NCAM1: variants seen among roughly 807,000 people sequenced by gnomAD.
NCAM1 encodes the protein antigen recognized by monoclonal antibody 5.1H11.
NCAM1 carries 14 observed loss-of-function variants against 109.8 expected under a neutral mutation model. That is an observed-to-expected ratio of 0.13 (90% CI 0.08 to 0.20). The LOEUF (loss-of-function observed/expected upper bound fraction) is 0.20. NCAM1 is among the 10% of genes least tolerant of loss of function. The pLI is 1.00. For missense variants in NCAM1, 774 were observed against 1,109.9 expected, an observed-to-expected ratio of 0.70 and a Z score of 4.30; for synonymous variants, 418 against 442.9, an observed-to-expected ratio of 0.94 and a Z score of 0.70.
chr11:113,003,341 G>A (rs1555072739), intron 1 of NCAM1, among the ~76,000 whole-genome samples: 1 of 152,218 alleles, frequency 6.6e-6, no homozygotes, highest in African/African-American at 2.4e-5. Context: ...TGAATGAAAT[G>A]TCCCAAATAA....
At chr11:113,271,666 C>T (rs1946277765) in intron 18 of NCAM1, 94 bp from the exon 19 acceptor site, 3 of 861,154 alleles carry the variant, frequency 3.5e-6, no homozygotes, top group Non-Finnish European at 5.3e-6. Context: ...TGGATGCCCA[C>T]CGTGCCAGCC....
chr11:113,034,055 T>G (rs1489298957), intron 1 of NCAM1, among the ~76,000 whole-genome samples: 3 of 152,234 alleles, frequency 2.0e-5, no homozygotes, highest in African/African-American at 7.2e-5. Flanking sequence ...CATGCTAATT[T>G]ATATGATTGA....
chr11:112,982,536 G>T (rs943053160), intron 1 of NCAM1, among the ~76,000 whole-genome samples: 7 of 151,810 alleles, frequency 4.6e-5, no homozygotes, highest in Admixed American at 2.0e-4. Context: ...GTAGTCAGGG[G>T]GTAGGAGGAG....
At chr11:113,124,081 C>A (rs1555096595) in intron 1 of NCAM1, among the ~76,000 whole-genome samples, 1 of 152,188 alleles carries the variant, frequency 6.6e-6, no homozygotes, top group Non-Finnish European at 1.5e-5. Flanking sequence ...CTTAGATAGT[C>A]ACCTTTCTCT....
intron 7 of NCAM1, among the ~76,000 whole-genome samples, chr11:113,211,783 G>A (rs1329603638): frequency 1.3e-5 from 2 of 152,158 alleles, no homozygotes; most frequent in Admixed American, 6.5e-5. Context: ...CAGGGGCCTC[G>A]GGGCTCTTCT....
intron 1 of NCAM1, among the ~76,000 whole-genome samples, chr11:113,110,180 G>A (rs528246850): frequency 2.0e-5 from 3 of 151,584 alleles, no homozygotes; most frequent in Admixed American, 6.6e-5. Context: ...TTATGAACTT[G>A]TCTCAAGGAT....
intron 1 of NCAM1, among the ~76,000 whole-genome samples, chr11:113,126,510 T>TC (rs1331137928): frequency 4.6e-5 from 7 of 152,316 alleles, no homozygotes; most frequent in Admixed American, 2.6e-4. Flanking sequence ...AGCCACAGTT[T>TC]CCGATGCTTA....
At chr11:113,082,915 G>A (rs1048859080) in intron 1 of NCAM1, among the ~76,000 whole-genome samples, 7 of 152,298 alleles carry the variant, frequency 4.6e-5, no homozygotes, top group African/African-American at 1.7e-4. Flanking sequence ...TGTGAGGAGG[G>A]CAGTTTGCTG....
intron 1 of NCAM1, among the ~76,000 whole-genome samples, chr11:112,986,995 T>C (rs1951323382): frequency 6.6e-6 from 1 of 152,162 alleles, no homozygotes; most frequent in Admixed American, 6.6e-5. Flanking sequence ...GGTTGTTTAC[T>C]TCAAACCATT....
intron 8 of NCAM1, among the ~76,000 whole-genome samples, chr11:113,219,232 T>C (rs1944619012): frequency 6.6e-6 from 1 of 152,214 alleles, no homozygotes; most frequent in African/African-American, 2.4e-5. Flanking sequence ...GAGAGAACTT[T>C]TGAAGTTCTG....
At chr11:113,012,100 C>A (rs919037918) in intron 1 of NCAM1, among the ~76,000 whole-genome samples, 2 of 151,910 alleles carry the variant, frequency 1.3e-5, no homozygotes. Flanking sequence ...CTCACTGCAA[C>A]CTCCATCTCC....
At chr11:113,203,618 C>T (rs1245076578) in intron 2 of NCAM1, among the ~76,000 whole-genome samples, 1 of 152,252 alleles carries the variant, frequency 6.6e-6, no homozygotes, top group Non-Finnish European at 1.5e-5. Flanking sequence ...CAGTCTGTTC[C>T]TCCTCATTGC....
intron 16 of NCAM1, among the ~76,000 whole-genome samples, chr11:113,259,717 T>C (rs1477704193): frequency 6.7e-6 from 1 of 150,234 alleles, no homozygotes; most frequent in Non-Finnish European, 1.5e-5. Context: ...TTTTTTTTTT[T>C]TTTGGAGACA....
At chr11:112,981,114 C>T (rs1449946396) in intron 1 of NCAM1, among the ~76,000 whole-genome samples, 1 of 151,822 alleles carries the variant, frequency 6.6e-6, no homozygotes, top group African/African-American at 2.4e-5. Context: ...CACATTACTA[C>T]AGTAGTATCT....
At chr11:112,970,179 T>A (rs1030817503) in intron 1 of NCAM1, among the ~76,000 whole-genome samples, 20 of 152,050 alleles carry the variant, frequency 1.3e-4, no homozygotes, top group African/African-American at 4.3e-4. Flanking sequence ...CTGCTGGAGA[T>A]GACAGAGAAA....
rs1196973726 is a variant in NCAM1 at position 113,142,421 on chromosome 11, T to C, written c.53-59958T>C. 2.0e-5 allele frequency among the ~76,000 whole-genome samples: 3 copies of C among 152,234 alleles called. No homozygotes were observed. The East Asian group carries it at 5.8e-4, about 29-fold the overall frequency. ...TTTAAATCACTGTGTTCTCTGAGTA[T>C]GTAACACTTTACCCCCTTTTGAAAA... On this transcript the variant is annotated intron_variant, in intron 1 of 19. Transcript: ENST00000316851.
At chr11:112,970,699 T>G (rs1950854847) in intron 1 of NCAM1, among the ~76,000 whole-genome samples, 1 of 152,226 alleles carries the variant, frequency 6.6e-6, no homozygotes, top group Non-Finnish European at 1.5e-5. Context: ...TACATTTTAT[T>G]AGTAGACATG....
intron 1 of NCAM1, among the ~76,000 whole-genome samples, chr11:113,139,954 A>G (rs1941753361): frequency 6.6e-6 from 1 of 152,234 alleles, no homozygotes; most frequent in Non-Finnish European, 1.5e-5. Context: ...AAATTGTAAC[A>G]TCTTAGAGTT....
At chr11:113,010,542 C>A (rs782402220) in intron 1 of NCAM1, among the ~76,000 whole-genome samples, 22 of 152,120 alleles carry the variant, frequency 1.4e-4, no homozygotes, top group Admixed American at 2.6e-4. Flanking sequence ...AGCTAATGAG[C>A]AAACATCAGC....
Sources: allele counts gnomAD v4.1 joint callset (sites outside exome capture counted in the v4.1 genomes callset), GRCh38; gene constraint gnomAD v4.1.1; transcripts MANE v1.5; gene names NCBI Gene and HGNC (gene_info 2026-07-23, HGNC 2026-07-21).